Variants in SLC16A7 observed in about 807,000 individuals in gnomAD.
SLC16A7 encodes monocarboxylate transporter 2.
In SLC16A7, 33 loss-of-function variants were observed where a neutral mutation model predicts 34.9. That is an observed-to-expected ratio of 0.94 (90% CI 0.72 to 1.26). SLC16A7 has a LOEUF of 1.26. Ranked by LOEUF, SLC16A7 falls within the 50% of genes most tolerant of loss-of-function variation. SLC16A7 has a pLI of 0.00. For synonymous variants in SLC16A7, 201 were observed against 206.6 expected (o/e 0.97, Z 0.23); for missense variants, 573 against 578.1 (o/e 0.99, Z 0.09).
intron 1 of SLC16A7, chr12:59,597,222 TACACACACACACACAC>T (rs57912392): frequency 1.8e-3 from 246 of 134,636 alleles, no homozygotes; most frequent in African/African-American, 6.5e-3. Context: ...ATTAAAATTT[TACACACACACACACAC>T]ACACACACAC....
intron 2 of SLC16A7, among the ~76,000 whole-genome samples, chr12:59,661,140 G>A (rs951483533): frequency 1.3e-5 from 2 of 152,010 alleles, no homozygotes; most frequent in Non-Finnish European, 2.9e-5. Flanking sequence ...ATGTTGGGAA[G>A]GGGAGGGGAT....
At chr12:59,764,872 G>T (rs1211392488) in intron 3 of SLC16A7, among the ~76,000 whole-genome samples, 1 of 152,068 alleles carries the variant, frequency 6.6e-6, no homozygotes, top group Admixed American at 6.5e-5. Context: ...TGGGTCAAAT[G>T]GTATTTCTAG....
chr12:59,678,508 T>G (rs1393438898), intron 2 of SLC16A7, among the ~76,000 whole-genome samples: 1 of 152,158 alleles, frequency 6.6e-6, no homozygotes. Context: ...TCTGCTCAGC[T>G]CTTTTCAGAG....
rs138336552 is a variant in SLC16A7, at chr12:59,733,249, C to T, written c.217+28231C>T. Reference sequence around the variant, plus strand: ...CCTACTTGGCCCAGTAGGTTGTGCTCGGCTTGTGGGATCTGCCCAGATCCC... The same window carrying T: ...CCTACTTGGCCCAGTAGGTTGTGCTTGGCTTGTGGGATCTGCCCAGATCCC... On this transcript the variant is annotated intron_variant, in intron 3 of 5. Transcript: ENST00000547379. Among the ~76,000 whole-genome samples, 1,069 of 152,238 alleles carry T rather than the reference C, an allele frequency of 7.0e-3. 6 individuals are homozygous for T. The highest frequency in any genetic ancestry group is 0.025 in the African/African-American group (1,039 of 41,536).
intron 1 of SLC16A7, among the ~76,000 whole-genome samples, chr12:59,628,775 C>T (rs1336735482): frequency 1.3e-5 from 2 of 151,712 alleles, no homozygotes; most frequent in African/African-American, 4.8e-5. Context: ...TAATTAATGG[C>T]CCATCTAGCC....
At chr12:59,602,479 CTTTTT>C (rs34035713) in intron 1 of SLC16A7, among the ~76,000 whole-genome samples, 1 of 80,280 alleles carries the variant, frequency 1.2e-5, no homozygotes, top group Admixed American at 1.6e-4. Flanking sequence ...GTGTTTTGGG[CTTTTT>C]TTTTTTTTTT....
In SLC16A7 at chr12:59,704,971, A is replaced by C. The variant is rs1350662589; in HGVS notation, c.170A>C (p.Glu57Ala). Residue 57 changes from glutamate (E) to alanine (A), a missense_variant, in exon 3 of 6, where the codon GAA (glutamate) becomes GCA (alanine). Physicochemically the swap from Glu to Ala is moderately radical, Grantham distance 107. Coordinates refer to ENST00000547379, the MANE Select transcript of SLC16A7 (RefSeq NM_001270623.2). ...CAAATATTCCACACTACCTACAGTG[A>C]AATAGCATGGATTTCATCCATTATG... is the stretch of plus-strand genomic sequence containing the variant. ...IQQIFHTTYS[E>A]IAWISSIMLA... The C allele has an allele frequency of 6.2e-7, 1 of 1,613,600 alleles. No homozygotes were observed. The highest frequency in any genetic ancestry group is 8.5e-7 in the Non-Finnish European group (1 of 1,179,664).
rs533574013 is a variant in SLC16A7, at chr12:59,761,072, A to G, written c.218-10147A>G. Reference sequence around the variant, plus strand: ...TAAATATTTAAAAAATCACGTCTTGACAATATGATATTTAATTGAAGAAGT... The same window carrying G: ...TAAATATTTAAAAAATCACGTCTTGGCAATATGATATTTAATTGAAGAAGT... On this transcript the variant is annotated intron_variant, in intron 3 of 5. Coordinates refer to ENST00000547379, the MANE Select transcript of SLC16A7 (RefSeq NM_001270623.2). 80 of 762,402 alleles carry G rather than the reference A, an allele frequency of 1.0e-4. 1 individual carries two copies. The Admixed American group carries it at 1.9e-3, about 19-fold the overall frequency. 47.2% of individuals were successfully genotyped at this position (762,402 alleles called of 1,614,324 possible).
At chr12:59,659,911 C>T (rs943619742) in intron 2 of SLC16A7, among the ~76,000 whole-genome samples, 1 of 152,054 alleles carries the variant, frequency 6.6e-6, no homozygotes, top group Admixed American at 6.6e-5. Flanking sequence ...ACAGCAGTGT[C>T]TGCATTAGGA....
chr12:59,648,364 G>A (rs1467179119), intron 1 of SLC16A7, among the ~76,000 whole-genome samples: 1 of 152,120 alleles, frequency 6.6e-6, no homozygotes, highest in South Asian at 2.1e-4. Flanking sequence ...AGGCATGAGG[G>A]ACTTGAGATT....
intron 2 of SLC16A7, among the ~76,000 whole-genome samples, chr12:59,659,702 A>G (rs1868735372): frequency 6.6e-6 from 1 of 152,088 alleles, no homozygotes; most frequent in African/African-American, 2.4e-5. Context: ...CTTATCATCA[A>G]AACTTAGGCT....
intron 1 of SLC16A7, among the ~76,000 whole-genome samples, chr12:59,625,957 C>T (rs1879910102): frequency 6.6e-6 from 1 of 151,386 alleles, no homozygotes; most frequent in Admixed American, 6.6e-5. Context: ...AGATTTTTTC[C>T]AAAAAGTTAC....
chr12:59,693,119 A>G (rs952994230), intron 2 of SLC16A7, among the ~76,000 whole-genome samples: 7 of 152,020 alleles, frequency 4.6e-5, no homozygotes, highest in African/African-American at 1.4e-4. Flanking sequence ...TATAAGTAGG[A>G]TGTAGAGAAA....
chr12:59,626,231 TC>T (rs778481752), intron 1 of SLC16A7, among the ~76,000 whole-genome samples: 9 of 142,524 alleles, frequency 6.3e-5, no homozygotes, highest in Non-Finnish European at 1.1e-4. Flanking sequence ...TCCTTTTAAG[TC>T]CCTGAGGTTT....
rs1426130813 is a variant in SLC16A7, at chr12:59,771,304, G to A, written c.303G>A (p.Val101=). 3 of 1,613,178 alleles carry A rather than the reference G, an allele frequency of 1.9e-6. No homozygotes were observed. The highest frequency in any genetic ancestry group is 2.5e-6 in the Non-Finnish European group (3 of 1,179,454). The change falls in exon 4 of 6, where the codon GTG becomes GTA. Residue 101 remains valine (V), a synonymous_variant. Coordinates refer to ENST00000547379, the MANE Select transcript of SLC16A7 (RefSeq NM_001270623.2). ...GCTTATTATGCTGTCTTGGAATGGTGTTGGCCTCCTTTAGTAGCAGCGTGG... is the reference window on the plus strand; with the variant it reads ...GCTTATTATGCTGTCTTGGAATGGTATTGGCCTCCTTTAGTAGCAGCGTGG... The part of the protein sequence containing the change: ...AGGLLCCLGM[V]LASFSSSVVQ...
At chr12:59,755,983 C>A (rs1296373951) in intron 3 of SLC16A7, among the ~76,000 whole-genome samples, 1 of 152,070 alleles carries the variant, frequency 6.6e-6, no homozygotes, top group East Asian at 1.9e-4. Context: ...CTTGGACAAA[C>A]CTGACAAAAA....
chr12:59,614,336 C>A (rs1879339892), intron 1 of SLC16A7, among the ~76,000 whole-genome samples: 1 of 151,962 alleles, frequency 6.6e-6, no homozygotes, highest in Non-Finnish European at 1.5e-5. Flanking sequence ...TGTGCCTGGC[C>A]AAGAAACATT....
At chr12:59,634,052 A>G (rs190026394) in intron 1 of SLC16A7, among the ~76,000 whole-genome samples, 1 of 152,070 alleles carries the variant, frequency 6.6e-6, no homozygotes, top group Non-Finnish European at 1.5e-5. Flanking sequence ...TCCCTATTTT[A>G]TGGATATGGA....
At chr12:59,676,156 G>A (rs1870295389) in intron 2 of SLC16A7, among the ~76,000 whole-genome samples, 1 of 152,092 alleles carries the variant, frequency 6.6e-6, no homozygotes, top group Non-Finnish European at 1.5e-5. Context: ...TGACAGCAGA[G>A]TCATTGTACA....
Sources: gnomAD v4.1 joint callset for allele counts (sites outside exome capture counted in the v4.1 genomes callset) on GRCh38, gnomAD v4.1.1 for gene constraint, MANE v1.5 for transcripts, NCBI Gene and HGNC (gene_info 2026-07-23, HGNC 2026-07-21) for gene names.